Variants in SULF2 observed in about 807,000 individuals in gnomAD.
SULF2 encodes sulfatase 2, also known as extracellular sulfatase Sulf-2.
Under a neutral mutation model 107.7 loss-of-function variants are expected in SULF2, and 52 were observed. The observed-to-expected ratio is 0.48, with a 90% confidence interval of 0.39 to 0.61. The LOEUF is 0.61. SULF2 is among the 20% of genes least tolerant of loss of function. SULF2 has a pLI of 0.00. For missense variants in SULF2, 993 were observed against 1,177.3 expected (o/e 0.84, Z 2.29); for synonymous variants, 460 against 464.3 (o/e 0.99, Z 0.12).
In SULF2 at chr20:47,680,836, G is replaced by A. The variant is rs1423879259; in HGVS notation, c.1065-2032C>T. Among the ~76,000 whole-genome samples, 2 of 152,228 alleles carry A rather than the reference G, an allele frequency of 1.3e-5. No homozygotes were observed. Among genetic ancestry groups the A allele is most frequent in the African/African-American group, 2.4e-5 (1 of 41,454 alleles). On this transcript the variant is annotated intron_variant, in intron 7 of 20. Transcript: ENST00000688720. This position sits in a 1 kb window ranked among gnomAD's most constrained non-coding sequence, Gnocchi z 4.2. ...CAGGCTCAGGGGAAGGAGGACAGTG[G>A]TTGCTTTTCCTGGCCAGCACCAATG...
At chr20:47,715,943 A>T (rs914584310) in intron 3 of SULF2, among the ~76,000 whole-genome samples, 1 of 152,150 alleles carries the variant, frequency 6.6e-6, no homozygotes, top group Non-Finnish European at 1.5e-5. Flanking sequence ...AGTGGGTAGA[A>T]TTGTTAAATT....
At chr20:47,749,895 C>T (rs919559301) in intron 2 of SULF2, among the ~76,000 whole-genome samples, 3 of 152,236 alleles carry the variant, frequency 2.0e-5, no homozygotes, top group Admixed American at 2.0e-4. Context: ...TCTTCAACGT[C>T]TGACTGATGT....
chr20:47,661,740 G>T, intron 18 of SULF2, 33 bp downstream of exon 18: 1 of 1,498,446 alleles, frequency 6.7e-7, no homozygotes, highest in East Asian at 2.4e-5. Flanking sequence ...TTACCCTGCT[G>T]TCCAAGGGCC....
chr20:47,701,381 A>G (rs899355013), intron 4 of SULF2, among the ~76,000 whole-genome samples: 3 of 152,214 alleles, frequency 2.0e-5, no homozygotes, highest in Non-Finnish European at 4.4e-5. Flanking sequence ...GCGCGGTGAA[A>G]CAGATGCACA....
intron 3 of SULF2, among the ~76,000 whole-genome samples, chr20:47,710,664 T>A (rs1420672730): frequency 6.7e-6 from 1 of 148,774 alleles, no homozygotes; most frequent in Non-Finnish European, 1.5e-5. Flanking sequence ...ATTTTCATTA[T>A]CCACCAATGG....
rs2087776720 is a variant in SULF2 at position 47,680,163 on chromosome 20, G to C, written c.1065-1359C>G. ...TCTGTCACCCAGGATGCAGTGTGGT[G>C]GCATGATCCTGGCTCACTGCAACCT... On this transcript the variant is annotated intron_variant, in intron 7 of 20. Transcript: ENST00000688720. This position sits in a 1 kb window ranked among gnomAD's most constrained non-coding sequence, Gnocchi z 4.2. Among the ~76,000 whole-genome samples the C allele has an allele frequency of 6.6e-6, 1 of 152,302 alleles. No individual in the cohort carries two copies. The highest frequency in any genetic ancestry group is 3.4e-3 in the Middle Eastern group (1 of 294).
intron 1 of SULF2, among the ~76,000 whole-genome samples, chr20:47,772,717 C>G (rs1325999745): frequency 6.6e-6 from 1 of 152,096 alleles, no homozygotes; most frequent in Non-Finnish European, 1.5e-5. Context: ...CTGCCCGACC[C>G]TCCTCCTGCC....
At chr20:47,708,693 A>G (rs1210092737) in intron 3 of SULF2, among the ~76,000 whole-genome samples, 1 of 152,134 alleles carries the variant, frequency 6.6e-6, no homozygotes, top group African/African-American at 2.4e-5. Flanking sequence ...CCAAATCTCC[A>G]GCCAGTGAAC....
chr20:47,697,010 G>A (rs1387582947), intron 4 of SULF2, among the ~76,000 whole-genome samples: 2 of 152,156 alleles, frequency 1.3e-5, no homozygotes, highest in Admixed American at 6.5e-5. Context: ...TACACGCTGC[G>A]GCAAGGGGCG....
chr20:47,757,460 A>G lies in SULF2; in HGVS notation c.-97T>C. The G allele has an allele frequency of 7.4e-7, 1 of 1,358,238 alleles. No homozygotes were observed. The highest frequency in any genetic ancestry group is 1.4e-5 in the South Asian group (1 of 69,060). The allele number at this position is 1,358,238 out of a possible 1,614,324, so 84.1% of individuals were successfully genotyped here. On this transcript the variant is annotated 5_prime_UTR_variant, in exon 2 of 21. Transcript: ENST00000688720. The stretch of plus-strand genomic sequence containing the variant: ...TTTTCCCTCGTCCCTCTTCACTCGC[A>G]GATCTAGAGGAGGAGGAAGAATCAG...
At chr20:47,714,220 C>T (rs1169805345) in intron 3 of SULF2, among the ~76,000 whole-genome samples, 1 of 152,190 alleles carries the variant, frequency 6.6e-6, no homozygotes, top group Non-Finnish European at 1.5e-5. Context: ...GTCCGCGTGC[C>T]TCTCACACAC....
intron 3 of SULF2, among the ~76,000 whole-genome samples, chr20:47,710,382 C>T (rs2088887781): frequency 6.6e-6 from 1 of 151,800 alleles, no homozygotes; most frequent in African/African-American, 2.4e-5. Context: ...TGTTTAGATA[C>T]ACAAATACTT....
At chr20:47,714,782 C>T (rs1381328003) in intron 3 of SULF2, among the ~76,000 whole-genome samples, 1 of 152,198 alleles carries the variant, frequency 6.6e-6, no homozygotes, top group African/African-American at 2.4e-5. Context: ...TGGGGTCTCC[C>T]TCTATCCTAC....
intron 19 of SULF2, 30 bp downstream of exon 19, chr20:47,659,667 T>A (rs1220257646): frequency 6.3e-7 from 1 of 1,597,104 alleles, no homozygotes; most frequent in South Asian, 1.1e-5. Context: ...AGGAGAACTT[T>A]GTTTAGGCTT....
rs890905981 is a variant in SULF2, at chr20:47,762,818, C to G, written c.-100-5355G>C. Among the ~76,000 whole-genome samples, 6 of 152,354 alleles carry G rather than the reference C, an allele frequency of 3.9e-5. No homozygotes were observed. The East Asian group carries it at 1.2e-3, about 29-fold the overall frequency. On this transcript the variant is annotated intron_variant, in intron 1 of 20. Transcript: ENST00000688720. ...CCCATGTTGGTTTCAGAGCACCCCC[C>G]ACTCCTGGGCGGCTATCACCCGCTC...
intron 2 of SULF2, among the ~76,000 whole-genome samples, chr20:47,738,231 A>G (rs922700698): frequency 6.6e-6 from 1 of 152,234 alleles, no homozygotes; most frequent in Non-Finnish European, 1.5e-5. Flanking sequence ...CGTGTGTGAC[A>G]CACAGTGGGT....
In SULF2 at chr20:47,666,860, G is replaced by A. The variant is rs403321; in HGVS notation, c.1577-372C>T. ...GCGTGGATGAATGTCAAAAGCAGGC[G>A]GAGTGAAACCAGCCAGACACAAAGC... On this transcript the variant is annotated intron_variant, in intron 11 of 20. Transcript: ENST00000688720. This position sits in a 1 kb window ranked among gnomAD's most constrained non-coding sequence, Gnocchi z 5.4. Among the ~76,000 whole-genome samples, 15,281 of 152,300 alleles carry A rather than the reference G, an allele frequency of 0.1. 1,046 individuals carry two copies. The highest frequency in any genetic ancestry group is 0.19 in the Middle Eastern group (56 of 294).
Position 47,684,584 on chromosome 20 carries a change from G to T in SULF2, c.738-3C>A. 6.2e-7 allele frequency: 1 copy of T among 1,613,314 alleles called. No homozygotes were observed. ...GCGCGTAGTTGTAGCTCGGCGTGCT[G>T]GTGGGCAAGGACATACACATCGGTC... On this transcript the variant is annotated splice_region_variant and splice_polypyrimidine_tract_variant and intron_variant, in intron 5 of 20. Coordinates refer to ENST00000688720, the MANE Select transcript of SULF2 (RefSeq NM_001387048.1).
At chr20:47,661,920 T>C in intron 17 of SULF2, 24 bp from the exon 18 acceptor site, 1 of 1,532,406 alleles carries the variant, frequency 6.5e-7, no homozygotes, top group Non-Finnish European at 8.9e-7. Flanking sequence ...AGGTAGTCTG[T>C]CAACAAGGTA....
Sources: allele counts gnomAD v4.1 joint callset (sites outside exome capture counted in the v4.1 genomes callset), GRCh38; gene constraint gnomAD v4.1.1; non-coding constraint Gnocchi (gnomAD v3.1); transcripts MANE v1.5; gene names NCBI Gene and HGNC (gene_info 2026-07-23, HGNC 2026-07-21).